GRIK2: variants seen among roughly 807,000 people sequenced by gnomAD.
The protein encoded by GRIK2 is glutamate ionotropic receptor kainate type subunit 2.
GRIK2 carries 32 observed loss-of-function variants against 100.3 expected under a neutral mutation model. The ratio of observed to expected loss-of-function variants is 0.32; its 90% CI spans 0.24 to 0.43. The LOEUF (loss-of-function observed/expected upper bound fraction) is 0.43. GRIK2 is among the 20% of genes least tolerant of loss of function. The pLI, the probability that GRIK2 is intolerant of heterozygous loss-of-function variation, is 1.00. For missense variants in GRIK2, 843 were observed against 1,114.9 expected (o/e 0.76, Z 3.47); for synonymous variants, 417 against 389.4 (o/e 1.07, Z -0.83).
intron 7 of GRIK2, among the ~76,000 whole-genome samples, chr6:101,735,207 T>A (rs1288225450): frequency 6.6e-6 from 1 of 152,112 alleles, no homozygotes; most frequent in African/African-American, 2.4e-5. Context: ...ATTTCCTAGG[T>A]AGAGAATGTA....
intron 14 of GRIK2, among the ~76,000 whole-genome samples, chr6:102,002,342 A>G (rs1794987461): frequency 6.8e-6 from 1 of 147,884 alleles, no homozygotes; most frequent in South Asian, 2.1e-4. Flanking sequence ...ATATGTATGT[A>G]GTATATGTGC....
At chr6:101,903,978 CAAATT>C (rs1185818942) in intron 12 of GRIK2, among the ~76,000 whole-genome samples, 6 of 151,276 alleles carry the variant, frequency 4.0e-5, no homozygotes, top group South Asian at 2.1e-4. Context: ...TCACTATTAA[CAAATT>C]AAAGGCTCTG....
chr6:101,827,089 T>C (rs1054724351), intron 10 of GRIK2, among the ~76,000 whole-genome samples: 4 of 151,994 alleles, frequency 2.6e-5, no homozygotes, highest in Admixed American at 6.6e-5. Context: ...CAGAAACTTT[T>C]CTTAGAATTA....
chr6:101,908,059 G>C (rs953666693), intron 12 of GRIK2, among the ~76,000 whole-genome samples: 1 of 151,424 alleles, frequency 6.6e-6, no homozygotes, highest in Non-Finnish European at 1.5e-5. Flanking sequence ...ACTGATAGGA[G>C]CTTTTCAGCA....
At chr6:101,939,433 C>A (rs544211467) in intron 14 of GRIK2, among the ~76,000 whole-genome samples, 1 of 151,950 alleles carries the variant, frequency 6.6e-6, no homozygotes, top group Non-Finnish European at 1.5e-5. Flanking sequence ...CAGATGAAAC[C>A]ATTTCCCCCA....
chr6:101,592,603 A>ATATATATG (rs1554225419), intron 2 of GRIK2, among the ~76,000 whole-genome samples: 2 of 111,512 alleles, frequency 1.8e-5, no homozygotes, highest in African/African-American at 8.5e-5. Flanking sequence ...ATATATATAT[A>ATATATATG]TATATATATA....
intron 2 of GRIK2, among the ~76,000 whole-genome samples, chr6:101,539,971 A>T (rs1775905131): frequency 6.6e-6 from 1 of 151,878 alleles, no homozygotes; most frequent in African/African-American, 2.4e-5. Flanking sequence ...AAATTGGAGA[A>T]TAAGTGTGCA....
At chr6:101,794,167 T>C (rs1405491212) in intron 7 of GRIK2, among the ~76,000 whole-genome samples, 1 of 152,174 alleles carries the variant, frequency 6.6e-6, no homozygotes, top group East Asian at 1.9e-4. Context: ...GCTTCCTGAG[T>C]GAGGCAATGC....
intron 4 of GRIK2, among the ~76,000 whole-genome samples, chr6:101,668,358 ACTT>A (rs1770185225): frequency 6.6e-6 from 1 of 152,208 alleles, no homozygotes; most frequent in African/African-American, 2.4e-5. Context: ...CCAATCTACT[ACTT>A]GTGTCAAACC....
chr6:101,882,377 T>C (rs1382152223), intron 11 of GRIK2, among the ~76,000 whole-genome samples: 1 of 152,010 alleles, frequency 6.6e-6, no homozygotes, highest in African/African-American at 2.4e-5. Context: ...ACAATTAATA[T>C]CCTCCCCCAA....
intron 16 of GRIK2, 28 bp from the exon 17 acceptor site, chr6:102,068,317 AAT>A (rs1772117996): frequency 6.6e-7 from 1 of 1,510,688 alleles, no homozygotes; most frequent in Admixed American, 1.8e-5. Context: ...TGTATCTTGT[AAT>A]ATTTAATTTT....
chr6:101,878,600 C>T (rs183540346), intron 11 of GRIK2, among the ~76,000 whole-genome samples: 147 of 152,080 alleles, frequency 9.7e-4, no homozygotes, highest in Non-Finnish European at 1.7e-3. Context: ...CTGTTTAACT[C>T]TCTCTGTATT....
In GRIK2 at chr6:101,802,422, A is replaced by G; in HGVS notation, c.1187A>G (p.Glu396Gly). The change falls in exon 9 of 17, where the codon GAA becomes GGA. Residue 396 changes from glutamate (E) to glycine (G), a missense_variant. By Grantham distance (98) the Glu-to-Gly change is moderately conservative. Transcript: ENST00000369134. ...DFDLDVISLKEEGLEKIGTWD... is the reference protein window; with the variant it reads ...DFDLDVISLKGEGLEKIGTWD... ...GATTTGGATGTGATCAGTCTGAAGG[A>G]AGAAGGTCTAGAAAAGGTATTTCAG... The G allele has an allele frequency of 6.5e-7, 1 of 1,534,672 alleles. No individual in the cohort carries two copies. The highest frequency in any genetic ancestry group is 8.9e-7 in the Non-Finnish European group (1 of 1,124,878).
chr6:101,517,249 A>C (rs1343169863), intron 2 of GRIK2, among the ~76,000 whole-genome samples: 1 of 152,146 alleles, frequency 6.6e-6, no homozygotes, highest in Non-Finnish European at 1.5e-5. Flanking sequence ...GCCACCTCTG[A>C]ACCTGAAACC....
chr6:101,504,694 A>T (rs1290407067), intron 2 of GRIK2, among the ~76,000 whole-genome samples: 2 of 152,078 alleles, frequency 1.3e-5, no homozygotes, highest in Non-Finnish European at 2.9e-5. Context: ...TCTGTTTATT[A>T]TATGTTGCCT....
intron 2 of GRIK2, among the ~76,000 whole-genome samples, chr6:101,564,411 T>C (rs1239038745): frequency 3.3e-5 from 5 of 152,122 alleles, no homozygotes; most frequent in African/African-American, 1.2e-4. Flanking sequence ...AAAGCCTTTT[T>C]GAAAATATAA....
chr6:101,779,018 TTA>T (rs937317205), intron 7 of GRIK2, among the ~76,000 whole-genome samples: 1 of 152,066 alleles, frequency 6.6e-6, no homozygotes. Flanking sequence ...GATATTTTAA[TTA>T]TATATATAAG....
rs570576461 is a variant in GRIK2 at position 101,908,309 on chromosome 6, A to G, written c.1749-16292A>G. Among the ~76,000 whole-genome samples the G allele has an allele frequency of 3.9e-5, 6 of 152,048 alleles. No homozygotes were observed. In the East Asian group the frequency reaches 1.2e-3, roughly 29 times the overall value. On this transcript the variant is annotated intron_variant, in intron 12 of 16. Coordinates refer to ENST00000369134, the MANE Select transcript of GRIK2 (RefSeq NM_021956.5). ...CCAAAAGTACATTAAAATTAATGGC[A>G]AAAACCACAATTATTTTGCACCAGC... is the stretch of plus-strand genomic sequence containing the variant.
intron 12 of GRIK2, among the ~76,000 whole-genome samples, chr6:101,899,101 T>C (rs1787673844): frequency 6.8e-6 from 1 of 147,956 alleles, no homozygotes; most frequent in African/African-American, 2.5e-5. Flanking sequence ...TTGTTGTTTT[T>C]GTTTTTTTTT....
Sources: gnomAD v4.1 joint callset for allele counts (sites outside exome capture counted in the v4.1 genomes callset) on GRCh38, gnomAD v4.1.1 for gene constraint, MANE v1.5 for transcripts, NCBI Gene and HGNC (gene_info 2026-07-23, HGNC 2026-07-21) for gene names.